Variants in CC2D2B observed in about 807,000 individuals in gnomAD.
CC2D2B encodes the protein protein CC2D2B.
Under a neutral mutation model 161.2 loss-of-function variants are expected in CC2D2B, and 128 were observed. That is an observed-to-expected ratio of 0.79 (90% CI 0.69 to 0.92). The LOEUF (loss-of-function observed/expected upper bound fraction) is 0.92, where lower values mean the gene tolerates loss of function less well. Ranked by LOEUF, CC2D2B falls within the 40% of genes least tolerant of loss-of-function variation. The probability of loss-of-function intolerance (pLI) is 0.00; values close to 1 mark genes in which losing one functional copy is unlikely to be tolerated. For synonymous variants in CC2D2B, 391 were observed against 449.8 expected (o/e 0.87, Z 1.65); for missense variants, 1,173 against 1,375.1 (o/e 0.85, Z 2.32).
Position 95,938,580 on chromosome 10 carries a change from C to A in CC2D2B, c.547C>A (p.Arg183Ser). Residue 183 changes from arginine to serine, a missense_variant, in exon 8 of 35, where the codon CGC becomes AGC. Transcript: ENST00000646931. ...TTATTGTTATAAAGTGGTTAACCAG[C>A]GCAAACTGCCAAAAGATATGATGCC... is the stretch of plus-strand genomic sequence containing the variant. ...VPSSSPVVNQ[R>S]KLPKDMMPRI... 1.4e-6 allele frequency: 1 copy of A among 697,596 alleles called. No individual in the cohort carries two copies. The highest frequency in any genetic ancestry group is 2.6e-6 in the Non-Finnish European group (1 of 379,916). The allele number at this position is 697,596 out of a possible 1,614,324, so 43.2% of individuals were successfully genotyped here. A position where few individuals can be genotyped will look rare whatever the true frequency, so the allele number is the denominator to read the frequency against.
At position 95,996,181 on chromosome 10, in the gene CC2D2B, C is replaced by G; in HGVS notation, c.2778C>G (p.His926Gln). Residue 926 changes from histidine (H) to glutamine (Q), a missense_variant, in exon 24 of 35, where the codon CAC becomes CAG. Coordinates refer to ENST00000646931, the MANE Select transcript of CC2D2B (RefSeq NM_001349008.3). ...CATTCGTGGAAGTTTCTTTCCAGCA[C>G]ACTGTATACAAAACCAATACAGCAA... Reference protein sequence around the residue: ...VHPFVEVSFQHTVYKTNTASG... With the variant: ...VHPFVEVSFQQTVYKTNTASG... 6.6e-7 allele frequency: 1 copy of G among 1,515,314 alleles called. No individual in the cohort carries two copies. Among genetic ancestry groups the G allele is most frequent in the Admixed American group, 2.0e-5 (1 of 50,134 alleles). The allele number at this position is 1,515,314 out of a possible 1,614,324, so 93.9% of individuals were successfully genotyped here. A position where few individuals can be genotyped will look rare whatever the true frequency, so the allele number is the denominator to read the frequency against.
Position 95,959,506 on chromosome 10 carries a change from G to A in CC2D2B, c.1110-2323G>A, listed in dbSNP as rs775535316. Among the ~76,000 whole-genome samples the A allele has an allele frequency of 2.6e-5, 4 of 152,148 alleles. 1 individual carries two copies. The highest frequency in any genetic ancestry group is 2.1e-4 in the South Asian group (1 of 4,830). ...GAAAAAGAGGCTACATTTTCAGCTC[G>A]TTTAATGAGGTTACAGTATCCTTGA... On this transcript the variant is annotated intron_variant, in intron 11 of 34. Coordinates refer to ENST00000646931, the MANE Select transcript of CC2D2B (RefSeq NM_001349008.3).
chr10:96,019,492 G>C, intron 31 of CC2D2B, 155 bp downstream of exon 31: 1 of 847,580 alleles, frequency 1.2e-6, no homozygotes, highest in Non-Finnish European at 1.9e-6. Flanking sequence ...GCTCCTCCAG[G>C]TGATTGTGTA....
Position 95,966,213 on chromosome 10 carries a change from C to T in CC2D2B, c.1377C>T (p.Asp459=), listed in dbSNP as rs552573088. Residue 459 remains aspartate, a synonymous_variant, in exon 14 of 35, where the codon GAC becomes GAT. Transcript: ENST00000646931. The part of the protein sequence containing the change: ...KLESLSYLAS[D]ETEIERIKPI... ...AGAGCCTCTCATATCTAGCTTCAGA[C>T]GAAACAGAAATTGAAAGAATAAAGC... 6.5e-5 allele frequency: 79 copies of T among 1,223,154 alleles called. No individual in the cohort carries two copies. Among genetic ancestry groups the T allele is most frequent in the Admixed American group, 3.4e-4 (8 of 23,646 alleles). The allele number at this position is 1,223,154 out of a possible 1,614,324, so 75.8% of individuals were successfully genotyped here.
In CC2D2B at chr10:95,965,884, ATT is replaced by A. The variant is rs1315691346; in HGVS notation, c.1251-11_1251-10del. 2.8e-6 allele frequency: 3 copies of A among 1,077,004 alleles called. No homozygotes were observed. The highest frequency in any genetic ancestry group is 3.5e-6 in the Non-Finnish European group (3 of 847,562). 66.7% of individuals were successfully genotyped at this position (1,077,004 alleles called of 1,614,324 possible). On this transcript the variant is annotated splice_polypyrimidine_tract_variant and intron_variant, in intron 12 of 34. Coordinates refer to ENST00000646931, the MANE Select transcript of CC2D2B (RefSeq NM_001349008.3). ...ATTTCTGCTTTCAATAATTCTGTTT[ATT>A]ATTAATTAGGATTAAAATGAATAAA...
At chr10:95,970,216 T>C (rs2077077641) in intron 15 of CC2D2B, among the ~76,000 whole-genome samples, 1 of 152,056 alleles carries the variant, frequency 6.6e-6, no homozygotes, top group Admixed American at 6.6e-5. Flanking sequence ...GTGTCTTTAG[T>C]AGAGACAGGA....
rs990251509 is a variant in CC2D2B at position 96,016,327 on chromosome 10, G to C, written c.3630+13G>C. On this transcript the variant is annotated intron_variant, in intron 30 of 34. Transcript: ENST00000646931. ...GTCAGTGTTAGAAGTAAGTGCTGGA[G>C]TTCATATTGAAATAATGTAAGCAAA... The C allele has an allele frequency of 1.3e-6, 2 of 1,482,736 alleles. No individual in the cohort carries two copies. Among genetic ancestry groups the C allele is most frequent in the Non-Finnish European group, 9.4e-7 (1 of 1,060,382 alleles). 91.8% of individuals were successfully genotyped at this position (1,482,736 alleles called of 1,614,324 possible).
intron 2 of CC2D2B, among the ~76,000 whole-genome samples, chr10:95,914,812 C>T (rs2098513024): frequency 6.6e-6 from 1 of 152,166 alleles, no homozygotes; most frequent in South Asian, 2.1e-4. Context: ...TTCTTCATAA[C>T]AGCGTGAGAA....
At chr10:95,928,307 G>A (rs2098543260) in intron 6 of CC2D2B, among the ~76,000 whole-genome samples, 1 of 151,852 alleles carries the variant, frequency 6.6e-6, no homozygotes, top group African/African-American at 2.4e-5. Flanking sequence ...AAAGCCACAA[G>A]GAAGAAAATA....
At chr10:95,952,436 C>T (rs906434055) in intron 10 of CC2D2B, 1 of 152,164 alleles carries the variant, frequency 6.6e-6, no homozygotes, top group African/African-American at 2.4e-5. Flanking sequence ...GTTTGGACAT[C>T]CTTTAGTTCT....
chr10:95,993,674 T>C (rs2078040232), intron 22 of CC2D2B, among the ~76,000 whole-genome samples: 1 of 147,774 alleles, frequency 6.8e-6, no homozygotes, highest in South Asian at 2.1e-4. Context: ...ATAAGCATCA[T>C]GCTGCTAAAA....
rs770527276 is a variant in CC2D2B, at chr10:95,922,646, T to C, written c.97+570T>C. ...CCTTTAAGCACTCAAAGGCAGGGAA[T>C]AGAAAAAGTAAAAAGCAAGGCAAAG... On this transcript the variant is annotated intron_variant, in intron 3 of 34. Transcript: ENST00000646931. Among the ~76,000 whole-genome samples the C allele has an allele frequency of 7.9e-5, 12 of 152,298 alleles. No homozygotes were observed. In the South Asian group the frequency reaches 2.5e-3, roughly 32 times the overall value.
chr10:95,931,401 A>G (rs2098549851), intron 6 of CC2D2B, among the ~76,000 whole-genome samples: 1 of 151,854 alleles, frequency 6.6e-6, no homozygotes, highest in African/African-American at 2.4e-5. Context: ...CTCTGATCTT[A>G]GTTATTTCTT....
At chr10:95,966,458 T>C (rs1211482514) in intron 14 of CC2D2B, among the ~76,000 whole-genome samples, 156 bp downstream of exon 14, 1 of 152,066 alleles carries the variant, frequency 6.6e-6, no homozygotes, top group Non-Finnish European at 1.5e-5. Flanking sequence ...CATAACTCTA[T>C]AGAGTTCCAT....
chr10:95,999,108 A>T (rs954980569), intron 24 of CC2D2B, among the ~76,000 whole-genome samples: 1 of 152,170 alleles, frequency 6.6e-6, no homozygotes, highest in Admixed American at 6.5e-5. Context: ...ACAAACAAAA[A>T]AACCTTCAGA....
At chr10:95,947,111 ATATT>A (rs1236632118) in intron 9 of CC2D2B, among the ~76,000 whole-genome samples, 688 of 40,536 alleles carry the variant, frequency 0.017, 2 homozygotes, top group South Asian at 0.047. Context: ...ATATATATAT[ATATT>A]TTTTTTTTTT....
At chr10:95,947,101 ATATATATATATATT>A (rs1438860871) in intron 9 of CC2D2B, among the ~76,000 whole-genome samples, 1 of 35,580 alleles carries the variant, frequency 2.8e-5, no homozygotes, top group Non-Finnish European at 4.6e-5. Context: ...ATATATATAT[ATATATATATATATT>A]TTTTTTTTTT....
intron 32 of CC2D2B, among the ~76,000 whole-genome samples, chr10:96,024,463 C>A (rs1314145088): frequency 6.6e-6 from 1 of 152,164 alleles, no homozygotes; most frequent in Non-Finnish European, 1.5e-5. Context: ...GAGCAGTAGG[C>A]ACTATTATTA....
At chr10:95,992,762 T>C in intron 22 of CC2D2B, 65 bp downstream of exon 22, 1 of 1,041,770 alleles carries the variant, frequency 9.6e-7, no homozygotes, top group Non-Finnish European at 1.2e-6. Flanking sequence ...GAATTCTCCA[T>C]GCTGTTCTAT....
Sources: gnomAD v4.1 joint callset for allele counts (sites outside exome capture counted in the v4.1 genomes callset) on GRCh38, gnomAD v4.1.1 for gene constraint, MANE v1.5 for transcripts, NCBI Gene and HGNC (gene_info 2026-07-23, HGNC 2026-07-21) for gene names.